The following BLM variants were observed in gnomAD, a reference collection of about 807,000 sequenced individuals.
BLM encodes the protein BLM RecQ like helicase.
A neutral mutation model predicts 135.3 loss-of-function variants in BLM; 95 were observed. That is an observed-to-expected ratio of 0.70 (90% CI 0.59 to 0.83). The LOEUF is 0.83. BLM is among the 40% of genes least tolerant of loss of function. The pLI is 0.00. For missense variants in BLM, 1,518 were observed against 1,663.9 expected (o/e 0.91, Z 1.53); for synonymous variants, 520 against 589.2 (o/e 0.88, Z 1.70).
At chr15:90,784,409 T>A (rs1211356209) in intron 13 of BLM, among the ~76,000 whole-genome samples, 2 of 141,258 alleles carry the variant, frequency 1.4e-5, no homozygotes, top group Non-Finnish European at 3.0e-5. Flanking sequence ...CTCGGCTCAC[T>A]GCAACCTCTA....
chr15:90,770,320 G>T (rs986459005), intron 12 of BLM, among the ~76,000 whole-genome samples: 1 of 151,866 alleles, frequency 6.6e-6, no homozygotes, highest in Non-Finnish European at 1.5e-5. Flanking sequence ...GACTGTAGGC[G>T]CCCGCCACCA....
chr15:90,754,083 A>C (rs1895754708), intron 4 of BLM, among the ~76,000 whole-genome samples: 1 of 152,242 alleles, frequency 6.6e-6, no homozygotes, highest in Non-Finnish European at 1.5e-5. Flanking sequence ...ATAGTCTGAC[A>C]CTTTCCCCAT....
intron 1 of BLM, among the ~76,000 whole-genome samples, chr15:90,718,893 A>C (rs868516125): frequency 6.6e-6 from 1 of 152,186 alleles, no homozygotes; most frequent in Non-Finnish European, 1.5e-5. Context: ...AGGGAAGGGA[A>C]AAAGGTAAGG....
chr15:90,766,106 C>T (rs1227975257), intron 9 of BLM, among the ~76,000 whole-genome samples: 1 of 152,162 alleles, frequency 6.6e-6, no homozygotes, highest in African/African-American at 2.4e-5. Context: ...GACCCCGACT[C>T]AATCACATTG....
intron 12 of BLM, among the ~76,000 whole-genome samples, chr15:90,777,191 T>A (rs1896500741): frequency 6.6e-6 from 1 of 151,750 alleles, no homozygotes; most frequent in Non-Finnish European, 1.5e-5. Flanking sequence ...GAATGGAGTT[T>A]CACTCTTGTT....
At position 90,734,180 on chromosome 15, in the gene BLM, C is replaced by G. The variant is rs1286160807; in HGVS notation, c.-4-13209C>G. Among the ~76,000 whole-genome samples the G allele has an allele frequency of 1.3e-5, 2 of 152,054 alleles. 1 individual carries two copies. The highest frequency in any genetic ancestry group is 4.2e-4 in the South Asian group (2 of 4,808). ...AATGTAATTCACCATATTAATTAAC[C>G]TAAGGAGAACAGTCATATATTTACT... On this transcript the variant is annotated intron_variant, in intron 1 of 21. Transcript: ENST00000355112.
rs191110759 is a variant in BLM, at chr15:90,736,808, A to G, written c.-4-10581A>G. 2.6e-5 allele frequency among the ~76,000 whole-genome samples: 4 copies of G among 152,316 alleles called. No individual in the cohort carries two copies. The East Asian group carries it at 7.7e-4, about 29-fold the overall frequency. ...CTATTTTTTATGTAAGAAAGAAGGG[A>G]AAATATGAGACTCTAATGTCTGCTT... On this transcript the variant is annotated intron_variant, in intron 1 of 21. Coordinates refer to ENST00000355112, the MANE Select transcript of BLM (RefSeq NM_000057.4).
At chr15:90,803,414 T>C (rs1333487540) in intron 17 of BLM, 107 bp from the exon 18 acceptor site, 1 of 958,376 alleles carries the variant, frequency 1.0e-6, no homozygotes, top group Non-Finnish European at 1.6e-6. Context: ...GTTTGTGATC[T>C]ATTCCATCTG....
At chr15:90,731,816 T>A (rs188118261) in intron 1 of BLM, among the ~76,000 whole-genome samples, 179 of 152,172 alleles carry the variant, frequency 1.2e-3, no homozygotes, top group African/African-American at 4.0e-3. Context: ...AAAATTTTTT[T>A]AAAAATCTAT....
At chr15:90,807,235 ACAGAAGGTTGTACATCT>A in intron 19 of BLM, among the ~76,000 whole-genome samples, 2 of 152,364 alleles carry the variant, frequency 1.3e-5, no homozygotes, top group South Asian at 2.1e-4. Context: ...GAAGGTGTCA[ACAGAAGGTTGTACATCT>A]CTCAGTAACA....
chr15:90,758,594 C>A (rs958307090), intron 5 of BLM, among the ~76,000 whole-genome samples: 2 of 152,142 alleles, frequency 1.3e-5, no homozygotes, highest in African/African-American at 4.8e-5. Context: ...GTTCAAACAT[C>A]ATATCAGGAG....
chr15:90,789,120 GCT>G (rs1379107315), intron 14 of BLM, among the ~76,000 whole-genome samples: 3 of 151,650 alleles, frequency 2.0e-5, no homozygotes, highest in African/African-American at 7.3e-5. Context: ...AATTATTTCT[GCT>G]CTCAGACTAA....
chr15:90,803,415 A>G lies in BLM; in HGVS notation c.3359-106A>G, dbSNP rs554098356. 2.4e-5 allele frequency: 24 copies of G among 979,820 alleles called. No homozygotes were observed. In the South Asian group the frequency reaches 3.2e-4, roughly 13 times the overall value. The allele number at this position is 979,820 out of a possible 1,614,324, so 60.7% of individuals were successfully genotyped here. ...GTGTCTGTGCCGGGGTTTGTGATCT[A>G]TTCCATCTGTCCAAACCTGTCCATA... On this transcript the variant is annotated intron_variant, in intron 17 of 21. Transcript: ENST00000355112.
At chr15:90,793,207 C>A (rs1441292169) in intron 15 of BLM, among the ~76,000 whole-genome samples, 1 of 150,280 alleles carries the variant, frequency 6.7e-6, no homozygotes, top group Admixed American at 6.6e-5. Context: ...ACGATCTCAG[C>A]TCACTACAAC....
chr15:90,811,476 CTTGCT>C, intron 21 of BLM, 70 bp downstream of exon 21: 1 of 1,496,728 alleles, frequency 6.7e-7, no homozygotes, highest in East Asian at 2.3e-5. Context: ...ACAGCTCTGC[CTTGCT>C]TTGAAGGATT....
At chr15:90,738,857 G>A (rs576484776) in intron 1 of BLM, among the ~76,000 whole-genome samples, 1 of 152,276 alleles carries the variant, frequency 6.6e-6, no homozygotes, top group African/African-American at 2.4e-5. Context: ...GTGGAAAAAT[G>A]GGAAGCCCTG....
At chr15:90,725,336 C>T (rs1373341374) in intron 1 of BLM, among the ~76,000 whole-genome samples, 2 of 152,142 alleles carry the variant, frequency 1.3e-5, no homozygotes, top group South Asian at 2.1e-4. Flanking sequence ...TTAGATTTTC[C>T]GTTGCTCTGC....
Position 90,760,830 on chromosome 15 carries a change from T to C in BLM, c.1457T>C (p.Leu486Pro). 6.2e-7 allele frequency: 1 copy of C among 1,614,152 alleles called. No homozygotes were observed. The highest frequency in any genetic ancestry group is 8.5e-7 in the Non-Finnish European group (1 of 1,180,040). The stretch of plus-strand genomic sequence containing the variant: ...GGATTCTCTGCCACCAGGAAGAATC[T>C]TTTTGAAAGGCCTTTATTCAATACC... ...KTGFSATRKN[L>P]FERPLFNTHL... is the part of the protein sequence containing the mutation. The change falls in exon 7 of 22, where the codon CTT becomes CCT. Residue 486 changes from leucine (L) to proline (P), a missense_variant. By Grantham distance (98) the Leu-to-Pro change is moderately conservative. This residue lies in a region of BLM where 724 missense variants were observed against 756.9 expected (regional missense o/e 0.96). Transcript: ENST00000355112.
chr15:90,785,494 A>G (rs536443268), intron 14 of BLM, among the ~76,000 whole-genome samples: 41 of 151,842 alleles, frequency 2.7e-4, no homozygotes, highest in Middle Eastern at 3.4e-3. Context: ...ATTACTCTGT[A>G]CATTGCATGT....
Sources: allele counts gnomAD v4.1 joint callset (sites outside exome capture counted in the v4.1 genomes callset), GRCh38; gene constraint gnomAD v4.1.1; regional missense constraint gnomAD v4.1.1; transcripts MANE v1.5; gene names NCBI Gene and HGNC (gene_info 2026-07-23, HGNC 2026-07-21).